Variants in NOS1 observed in about 807,000 individuals in gnomAD.
NOS1 encodes the protein nitric oxide synthase 1.
Under a neutral mutation model 164.5 loss-of-function variants are expected in NOS1, and 51 were observed. The ratio of observed to expected loss-of-function variants is 0.31; its 90% confidence interval spans 0.25 to 0.39. The LOEUF is 0.39. NOS1 is among the 10% of genes least tolerant of loss of function. The pLI is 1.00. For missense variants in NOS1, 1,362 were observed against 1,885.6 expected (o/e 0.72, Z 5.14); for synonymous variants, 719 against 745.8 (o/e 0.96, Z 0.59).
At chr12:117,349,950 C>T (rs138856115) in intron 1 of NOS1, among the ~76,000 whole-genome samples, 1 of 152,030 alleles carries the variant, frequency 6.6e-6, no homozygotes, top group Non-Finnish European at 1.5e-5. Flanking sequence ...GTCTTGAACT[C>T]CTGAGCTCAA....
At chr12:117,337,106 CTTTTTTTT>C (rs36054002) in intron 1 of NOS1, among the ~76,000 whole-genome samples, 1 of 64,334 alleles carries the variant, frequency 1.6e-5, no homozygotes, top group Non-Finnish European at 2.9e-5. Flanking sequence ...GCTTTTTACT[CTTTTTTTT>C]TTTTTTTTTT....
At position 117,286,288 on chromosome 12, in the gene NOS1, T is replaced by C. The variant is rs2293049; in HGVS notation, c.1128-22A>G. 3.6e-4 allele frequency: 587 copies of C among 1,613,272 alleles called. 3 individuals carry two copies. In the East Asian group the frequency reaches 8.0e-3, roughly 22 times the overall value. ...AAATCTGAGTGAAGAGGAAGGGACATGGGAACATCACCCCCTCTTCTGAAT... is the reference window on the plus strand; with the variant it reads ...AAATCTGAGTGAAGAGGAAGGGACACGGGAACATCACCCCCTCTTCTGAAT... On this transcript the variant is annotated intron_variant, in intron 5 of 28. Coordinates refer to ENST00000317775, the MANE Select transcript of NOS1 (RefSeq NM_000620.5).
At chr12:117,249,717 G>A (rs557145638) in intron 17 of NOS1, among the ~76,000 whole-genome samples, 10 of 152,076 alleles carry the variant, frequency 6.6e-5, no homozygotes, top group South Asian at 6.3e-4. Context: ...TGAACCAGTG[G>A]GGTCAAATTC....
At chr12:117,279,857 A>G (rs919010847) in intron 8 of NOS1, among the ~76,000 whole-genome samples, 1 of 152,216 alleles carries the variant, frequency 6.6e-6, no homozygotes, top group Non-Finnish European at 1.5e-5. Context: ...TAACATTTTC[A>G]TAAGAAAAGC....
At chr12:117,228,704 T>C (rs947259006) in intron 22 of NOS1, among the ~76,000 whole-genome samples, 2 of 152,158 alleles carry the variant, frequency 1.3e-5, no homozygotes, top group African/African-American at 4.8e-5. Flanking sequence ...AGGGTGCGAG[T>C]GCACTGTGTA....
intron 1 of NOS1, among the ~76,000 whole-genome samples, chr12:117,340,873 A>ATTTTTTTT (rs56322341): frequency 1.4e-3 from 148 of 104,452 alleles, no homozygotes; most frequent in African/African-American, 3.8e-3. Flanking sequence ...ACACCTGGCT[A>ATTTTTTTT]TTTTTTTTTT....
intron 8 of NOS1, among the ~76,000 whole-genome samples, chr12:117,279,399 C>T (rs1476664819): frequency 6.6e-6 from 1 of 151,772 alleles, no homozygotes; most frequent in Non-Finnish European, 1.5e-5. Flanking sequence ...AAAAAACAAA[C>T]CAAGATCAAT....
intron 3 of NOS1, among the ~76,000 whole-genome samples, chr12:117,300,895 T>C (rs960547388): frequency 6.6e-6 from 1 of 152,140 alleles, no homozygotes; most frequent in Non-Finnish European, 1.5e-5. Flanking sequence ...AGAAGCACCC[T>C]GAGATGTCAG....
At chr12:117,216,908 GA>G (rs1333183770) in intron 28 of NOS1, among the ~76,000 whole-genome samples, 1 of 152,174 alleles carries the variant, frequency 6.6e-6, no homozygotes, top group Admixed American at 6.6e-5. Flanking sequence ...CCAAATTCAA[GA>G]AATGAGTGTA....
chr12:117,268,756 ATT>A (rs763731162), intron 10 of NOS1, among the ~76,000 whole-genome samples: 1 of 139,798 alleles, frequency 7.2e-6, no homozygotes, highest in Non-Finnish European at 1.6e-5. Flanking sequence ...CGCCGGGCTA[ATT>A]TTTTTTTTTT....
At chr12:117,226,147 A>T (rs1311339446) in intron 24 of NOS1, among the ~76,000 whole-genome samples, 1 of 152,178 alleles carries the variant, frequency 6.6e-6, no homozygotes, top group African/African-American at 2.4e-5. Context: ...GAACATTCTA[A>T]CCTCAATGGT....
rs771323123 is a variant in NOS1 at position 117,239,673 on chromosome 12, G to C, written c.3041+2954C>G. 3.9e-5 allele frequency among the ~76,000 whole-genome samples: 6 copies of C among 151,910 alleles called. 1 individual carries two copies. In the South Asian group the frequency reaches 1.0e-3, roughly 26 times the overall value. ...AGCCTCAGGCGGGAGAAAAACAGGA[G>C]AGTCATGCTTTTCCACTCAATTATC... On this transcript the variant is annotated intron_variant, in intron 20 of 28. Transcript: ENST00000317775.
chr12:117,275,649 G>C (rs1428155960), intron 9 of NOS1, among the ~76,000 whole-genome samples: 1 of 152,112 alleles, frequency 6.6e-6, no homozygotes, highest in African/African-American at 2.4e-5. Context: ...AAAGGATAGT[G>C]AATGTTTCCA....
intron 8 of NOS1, 100 bp from the exon 9 acceptor site, chr12:117,278,198 C>A: frequency 7.4e-7 from 1 of 1,349,940 alleles, no homozygotes; most frequent in Non-Finnish European, 9.8e-7. Flanking sequence ...GATCCAAATG[C>A]AAGCCCCCAG....
At chr12:117,339,365 T>C (rs1386813795) in intron 1 of NOS1, among the ~76,000 whole-genome samples, 1 of 152,234 alleles carries the variant, frequency 6.6e-6, no homozygotes, top group Non-Finnish European at 1.5e-5. Context: ...CGAGCATTAA[T>C]GATTGTTTAA....
chr12:117,354,345 T>G (rs957151498), intron 1 of NOS1, among the ~76,000 whole-genome samples: 25 of 152,228 alleles, frequency 1.6e-4, no homozygotes, highest in African/African-American at 6.0e-4. Context: ...AGATTCCATT[T>G]CAGTGACTAC....
chr12:117,332,220 A>G (rs1875581953), intron 1 of NOS1, among the ~76,000 whole-genome samples: 1 of 152,158 alleles, frequency 6.6e-6, no homozygotes, highest in South Asian at 2.1e-4. Context: ...GAAAAATCCC[A>G]AAGACTAAAC....
Position 117,214,317 on chromosome 12 carries a change from G to C in NOS1, c.*992C>G, listed in dbSNP as rs1368793412. ...TATGACTAGGAAAAACTGAGGACAA[G>C]TGACCCATCCAAAGTCATCCAGTGG... On this transcript the variant is annotated 3_prime_UTR_variant, in exon 29 of 29. Coordinates refer to ENST00000317775, the MANE Select transcript of NOS1 (RefSeq NM_000620.5). The C allele has an allele frequency of 3.0e-6, 3 of 985,274 alleles. No individual in the cohort carries two copies. The East Asian group carries it at 3.4e-4, about 112-fold the overall frequency. The allele number at this position is 985,274 out of a possible 1,614,324, so 61.0% of individuals were successfully genotyped here.
intron 2 of NOS1, among the ~76,000 whole-genome samples, chr12:117,325,701 C>G (rs1593024078): frequency 6.6e-6 from 1 of 152,208 alleles, no homozygotes; most frequent in Non-Finnish European, 1.5e-5. Context: ...ATCGTTTTAT[C>G]AGGAGTCATT....
Sources: gnomAD v4.1 joint callset for allele counts (sites outside exome capture counted in the v4.1 genomes callset) on GRCh38, gnomAD v4.1.1 for gene constraint, MANE v1.5 for transcripts, NCBI Gene and HGNC (gene_info 2026-07-23, HGNC 2026-07-21) for gene names.